PTGR2: variants seen among roughly 807,000 people sequenced by gnomAD.
PTGR2 encodes the protein prostaglandin reductase 2.
In PTGR2, 32 loss-of-function variants were observed where a neutral mutation model predicts 43.4. That is an observed-to-expected ratio of 0.74 (90% confidence interval 0.56 to 0.99). PTGR2 has a LOEUF of 0.99. Ranked by LOEUF, PTGR2 falls within the 50% of genes least tolerant of loss-of-function variation. PTGR2 has a pLI of 0.00. For synonymous variants in PTGR2, 106 were observed against 139.2 expected (o/e 0.76, Z 1.68); for missense variants, 373 against 420.0 (o/e 0.89, Z 0.98).
At chr14:73,877,328 A>ATG in intron 5 of PTGR2, 160 bp downstream of exon 5, 1 of 587,542 alleles carries the variant, frequency 1.7e-6, no homozygotes, top group Non-Finnish European at 2.8e-6. Context: ...GCAGTGGCGC[A>ATG]ATCTTGGCTC....
intron 3 of PTGR2, among the ~76,000 whole-genome samples, chr14:73,870,511 C>G (rs1360627436): frequency 6.6e-6 from 1 of 152,062 alleles, no homozygotes; most frequent in Non-Finnish European, 1.5e-5. Context: ...AAAAGGGAGT[C>G]TAACAAACAT....
rs572987907 is a variant in PTGR2 at position 73,879,082 on chromosome 14, A to G, written c.520-14A>G. ...ACAATATAAAGCCATTTAATCTTCA[A>G]ATTTCCCCCCTAGATTGGCCATTTC... On this transcript the variant is annotated splice_polypyrimidine_tract_variant and intron_variant, in intron 5 of 9. Transcript: ENST00000555661. The G allele has an allele frequency of 3.9e-5, 63 of 1,610,340 alleles. No homozygotes were observed. Among genetic ancestry groups the G allele is most frequent in the African/African-American group, 2.9e-4 (22 of 74,890 alleles).
In PTGR2 at chr14:73,884,383, C is replaced by A; in HGVS notation, c.*206C>A. On this transcript the variant is annotated 3_prime_UTR_variant, in exon 10 of 10. Coordinates refer to ENST00000555661, the MANE Select transcript of PTGR2 (RefSeq NM_001146154.2). Reference sequence around the variant, plus strand: ...AAAAATTAATAACTTTTAGTAATTACTTTTATTAATTTAAAATAGAACGCT... The same window carrying A: ...AAAAATTAATAACTTTTAGTAATTAATTTTATTAATTTAAAATAGAACGCT... 2.6e-6 allele frequency: 1 copy of A among 385,164 alleles called. No individual in the cohort carries two copies. The highest frequency in any genetic ancestry group is 4.5e-6 in the Non-Finnish European group (1 of 220,876). The allele number at this position is 385,164 out of a possible 1,614,324, so 23.9% of individuals were successfully genotyped here.
At chr14:73,880,670 C>T (rs962620664) in intron 7 of PTGR2, among the ~76,000 whole-genome samples, 2 of 151,964 alleles carry the variant, frequency 1.3e-5, no homozygotes, top group African/African-American at 4.8e-5. Flanking sequence ...AACTAGCTAC[C>T]TGAAAACTGA....
At position 73,862,199 on chromosome 14, in the gene PTGR2, G is replaced by C. The variant is rs1968106; in HGVS notation, c.156+1542G>C. Reference sequence around the variant, plus strand: ...AACTTTATTATTTTTATTAACTTTTGTTGTTGTTGTTTGTTTGTTTGTTTT... The same window carrying C: ...AACTTTATTATTTTTATTAACTTTTCTTGTTGTTGTTTGTTTGTTTGTTTT... On this transcript the variant is annotated intron_variant, in intron 3 of 9. Coordinates refer to ENST00000555661, the MANE Select transcript of PTGR2 (RefSeq NM_001146154.2). Among the ~76,000 whole-genome samples the C allele has an allele frequency of 4.0e-5, 6 of 149,278 alleles. No individual in the cohort carries two copies. In the East Asian group the frequency reaches 1.2e-3, roughly 29 times the overall value.
chr14:73,863,205 C>T (rs1460955081), intron 3 of PTGR2, among the ~76,000 whole-genome samples: 3 of 152,180 alleles, frequency 2.0e-5, no homozygotes, highest in Non-Finnish European at 4.4e-5. Context: ...ATTTCCCCTC[C>T]TCACCCCACC....
At chr14:73,878,830 A>G (rs1448427117) in intron 5 of PTGR2, 3 of 421,356 alleles carry the variant, frequency 7.1e-6, no homozygotes, top group Non-Finnish European at 8.6e-6. Flanking sequence ...GATATTTTCA[A>G]CTAATGATGG....
intron 3 of PTGR2, among the ~76,000 whole-genome samples, chr14:73,863,493 T>A (rs951007162): frequency 4.6e-5 from 7 of 152,094 alleles, no homozygotes; most frequent in East Asian, 3.8e-4. Context: ...TAAAATTTTT[T>A]AAAAAAACAT....
At chr14:73,857,612 C>T (rs2054379318) in intron 1 of PTGR2, among the ~76,000 whole-genome samples, 1 of 115,596 alleles carries the variant, frequency 8.7e-6, no homozygotes, top group African/African-American at 3.1e-5. Flanking sequence ...AGATTCTGTC[C>T]CCCACTCCAA....
chr14:73,878,253 C>T (rs1349011913), intron 5 of PTGR2: 1 of 152,098 alleles, frequency 6.6e-6, no homozygotes, highest in Non-Finnish European at 1.5e-5. Flanking sequence ...TTTTAGTTCG[C>T]CACAAGCTTG....
chr14:73,882,586 C>T (rs1021740909), intron 9 of PTGR2, 148 bp downstream of exon 9: 23 of 543,030 alleles, frequency 4.2e-5, no homozygotes, highest in Non-Finnish European at 5.5e-5. Flanking sequence ...CTGCAAGCTC[C>T]GCCTTCCAGG....
chr14:73,872,930 T>TCATA (rs1480959779), intron 3 of PTGR2, among the ~76,000 whole-genome samples: 1 of 150,382 alleles, frequency 6.6e-6, no homozygotes, highest in Non-Finnish European at 1.5e-5. Context: ...TGAGCCCAGA[T>TCATA]CATACCACTA....
intron 6 of PTGR2, chr14:73,879,573 T>C (rs939739622): frequency 7.2e-5 from 28 of 390,794 alleles, no homozygotes; most frequent in Middle Eastern, 7.6e-4. Context: ...AAAATTACAG[T>C]TGCATTGTTG....
At chr14:73,868,986 A>G (rs1259890716) in intron 3 of PTGR2, among the ~76,000 whole-genome samples, 3 of 152,148 alleles carry the variant, frequency 2.0e-5, no homozygotes, top group African/African-American at 4.8e-5. Context: ...TCCCAGGTAC[A>G]TATTAAAGCA....
chr14:73,883,227 A>T (rs1358853343), intron 9 of PTGR2, among the ~76,000 whole-genome samples: 2 of 65,278 alleles, frequency 3.1e-5, no homozygotes, highest in African/African-American at 6.4e-5. Flanking sequence ...TTTTAAAGAG[A>T]TGATCTTGCT....
At chr14:73,871,427 T>C (rs1453889706) in intron 3 of PTGR2, among the ~76,000 whole-genome samples, 2 of 151,148 alleles carry the variant, frequency 1.3e-5, no homozygotes, top group Non-Finnish European at 2.9e-5. Context: ...TGGCTATTCA[T>C]CTATATCCTT....
In PTGR2 at chr14:73,881,200, T is replaced by C; in HGVS notation, c.852-5T>C. 6.4e-7 allele frequency: 1 copy of C among 1,569,462 alleles called. No homozygotes were observed. The highest frequency in any genetic ancestry group is 8.8e-7 in the Non-Finnish European group (1 of 1,139,560). ...TGATCATTATCCTTTTCTTCCTCAC[T>C]GCAGGGAAAGATTTCTGGTATTAAA... On this transcript the variant is annotated splice_polypyrimidine_tract_variant and splice_region_variant and intron_variant, in intron 7 of 9. Transcript: ENST00000555661.
chr14:73,879,521 G>A, intron 6 of PTGR2: 1 of 489,844 alleles, frequency 2.0e-6, no homozygotes, highest in East Asian at 3.5e-5. Flanking sequence ...TCAGTTATTT[G>A]CTACCAATAT....
chr14:73,866,523 C>T (rs1428375835), intron 3 of PTGR2, among the ~76,000 whole-genome samples: 2 of 152,142 alleles, frequency 1.3e-5, no homozygotes, highest in African/African-American at 4.8e-5. Flanking sequence ...AGTTTCTGCA[C>T]AGAAGATTTT....
Sources: gnomAD v4.1 joint callset for allele counts (sites outside exome capture counted in the v4.1 genomes callset) on GRCh38, gnomAD v4.1.1 for gene constraint, MANE v1.5 for transcripts, NCBI Gene and HGNC (gene_info 2026-07-23, HGNC 2026-07-21) for gene names.